Variants in GNG12 observed in about 807,000 individuals in gnomAD.
GNG12 encodes G protein subunit gamma 12.
For synonymous variants in GNG12, 28 were observed against 29.7 expected, an observed-to-expected ratio of 0.94 and a Z score of 0.19; for missense variants, 69 against 83.8, an observed-to-expected ratio of 0.82 and a Z score of 0.69.
rs542187650 is a variant in GNG12 at position 67,764,432 on chromosome 1, T to C, written c.-27+13026A>G. On this transcript the variant is annotated intron_variant, in intron 2 of 3. Transcript: ENST00000370982. Reference sequence around the variant, plus strand: ...TACCCACTTCCAAAGCCTACCCTTCTCCTCTGTCTGTCCTAGTCAGCAGAG... The same window carrying C: ...TACCCACTTCCAAAGCCTACCCTTCCCCTCTGTCTGTCCTAGTCAGCAGAG... 3.9e-5 allele frequency among the ~76,000 whole-genome samples: 6 copies of C among 152,308 alleles called. No homozygotes were observed. The East Asian group carries it at 7.7e-4, about 20-fold the overall frequency.
At chr1:67,797,140 C>T (rs564881539) in intron 1 of GNG12, among the ~76,000 whole-genome samples, 1 of 152,144 alleles carries the variant, frequency 6.6e-6, no homozygotes, top group Non-Finnish European at 1.5e-5. Flanking sequence ...GGACAAACAT[C>T]CAAACTAAAT....
Position 67,774,610 on chromosome 1 carries a change from C to T in GNG12, c.-27+2848G>A, listed in dbSNP as rs575216231. 4.6e-5 allele frequency among the ~76,000 whole-genome samples: 7 copies of T among 152,308 alleles called. No homozygotes were observed. In the East Asian group the frequency reaches 5.8e-4, roughly 13 times the overall value. On this transcript the variant is annotated intron_variant, in intron 2 of 3. Transcript: ENST00000370982. Reference sequence around the variant, plus strand: ...CCTGTGTTCCTGCTCACCTTCCCTACGCTCCATTCTCCATGGGCAGCCATT... The same window carrying T: ...CCTGTGTTCCTGCTCACCTTCCCTATGCTCCATTCTCCATGGGCAGCCATT...
intron 1 of GNG12, among the ~76,000 whole-genome samples, chr1:67,789,357 A>T (rs1311912574): frequency 4.6e-5 from 7 of 152,240 alleles, no homozygotes; most frequent in Non-Finnish European, 4.4e-5. Flanking sequence ...CTTTCGATGA[A>T]AAGATATTTC....
At chr1:67,774,323 AC>A (rs1184108020) in intron 2 of GNG12, among the ~76,000 whole-genome samples, 2 of 152,072 alleles carry the variant, frequency 1.3e-5, no homozygotes, top group Non-Finnish European at 2.9e-5. Flanking sequence ...TTCCTTCCCC[AC>A]AGATTTCCTC....
At chr1:67,741,942 C>A (rs948647013) in intron 2 of GNG12, among the ~76,000 whole-genome samples, 1 of 152,208 alleles carries the variant, frequency 6.6e-6, no homozygotes, top group African/African-American at 2.4e-5. Context: ...ATGGCCTGGC[C>A]TCACCTGCTG....
chr1:67,727,230 T>C (rs1422635340), intron 2 of GNG12, among the ~76,000 whole-genome samples: 2 of 152,228 alleles, frequency 1.3e-5, no homozygotes, highest in Non-Finnish European at 2.9e-5. Flanking sequence ...ACTCAATGGG[T>C]CCAGGGATTA....
At chr1:67,710,077 TA>T (rs1297252002) in intron 2 of GNG12, among the ~76,000 whole-genome samples, 1 of 18,406 alleles carries the variant, frequency 5.4e-5, no homozygotes, top group African/African-American at 2.2e-4. Context: ...TATATATAGT[TA>T]TATATATATA....
chr1:67,766,106 G>GCACACGCACA (rs1553157553), intron 2 of GNG12, among the ~76,000 whole-genome samples: 2 of 139,836 alleles, frequency 1.4e-5, no homozygotes, highest in Admixed American at 7.1e-5. Flanking sequence ...AGGCACACAC[G>GCACACGCACA]CACACACACA....
intron 2 of GNG12, among the ~76,000 whole-genome samples, chr1:67,714,416 T>C (rs1197642347): frequency 6.6e-6 from 1 of 152,202 alleles, no homozygotes; most frequent in Non-Finnish European, 1.5e-5. Context: ...GATAACGTAT[T>C]TAAGCCTCAG....
intron 1 of GNG12, among the ~76,000 whole-genome samples, chr1:67,811,838 T>C (rs1646928111): frequency 6.6e-6 from 1 of 152,144 alleles, no homozygotes; most frequent in African/African-American, 2.4e-5. Context: ...TGTCTAGGAA[T>C]TAAGTTTGAA....
chr1:67,769,415 A>C (rs976232319), intron 2 of GNG12, among the ~76,000 whole-genome samples: 16 of 152,138 alleles, frequency 1.1e-4, no homozygotes, highest in African/African-American at 3.4e-4. Context: ...GAAAACCTAC[A>C]TAAGTGAGGG....
intron 2 of GNG12, among the ~76,000 whole-genome samples, chr1:67,751,611 A>G (rs1276473198): frequency 1.3e-5 from 2 of 152,202 alleles, no homozygotes; most frequent in African/African-American, 2.4e-5. Context: ...ATGCACACAA[A>G]TGTCGACTGG....
chr1:67,809,526 C>T (rs1479744397), intron 1 of GNG12, among the ~76,000 whole-genome samples: 1 of 152,108 alleles, frequency 6.6e-6, no homozygotes, highest in Non-Finnish European at 1.5e-5. Context: ...TTGCAGAAGA[C>T]ACTTCTGATA....
intron 2 of GNG12, among the ~76,000 whole-genome samples, chr1:67,735,181 A>G (rs1310290369): frequency 6.6e-6 from 1 of 152,148 alleles, no homozygotes; most frequent in South Asian, 2.1e-4. Flanking sequence ...TTTAATAGGT[A>G]TATATTGAAA....
At chr1:67,829,540 G>A (rs899673806) in intron 1 of GNG12, among the ~76,000 whole-genome samples, 2 of 152,074 alleles carry the variant, frequency 1.3e-5, no homozygotes, top group Non-Finnish European at 1.5e-5. Context: ...ACAACATTTA[G>A]AGAAAATTTC....
chr1:67,720,435 C>T (rs1191881482), intron 2 of GNG12, among the ~76,000 whole-genome samples: 4 of 152,222 alleles, frequency 2.6e-5, no homozygotes, highest in Admixed American at 6.5e-5. Context: ...TACTCTCTAA[C>T]TAGTATAGCA....
chr1:67,712,719 A>G (rs912124617), intron 2 of GNG12, among the ~76,000 whole-genome samples: 5 of 151,952 alleles, frequency 3.3e-5, no homozygotes, highest in African/African-American at 4.8e-5. Flanking sequence ...CCCAGTTCGT[A>G]AGCCTTTTCA....
chr1:67,799,239 G>A (rs1031491578), intron 1 of GNG12, among the ~76,000 whole-genome samples: 3 of 152,104 alleles, frequency 2.0e-5, no homozygotes, highest in African/African-American at 7.2e-5. Context: ...ACTATAGTTA[G>A]GAACATGGCT....
At chr1:67,814,861 C>T (rs1196648065) in intron 1 of GNG12, among the ~76,000 whole-genome samples, 2 of 152,210 alleles carry the variant, frequency 1.3e-5, no homozygotes, top group Non-Finnish European at 2.9e-5. Context: ...TTGAGTTGTA[C>T]TGTCTTCTGT....
Sources: gnomAD v4.1 joint callset for allele counts (sites outside exome capture counted in the v4.1 genomes callset) on GRCh38, gnomAD v4.1.1 for gene constraint, MANE v1.5 for transcripts, NCBI Gene and HGNC (gene_info 2026-07-23, HGNC 2026-07-21) for gene names.